The following DNAH14 variants were observed in gnomAD, a reference collection of about 807,000 sequenced individuals.
The protein encoded by DNAH14 is dynein axonemal heavy chain 14, also known as axonemal beta dynein heavy chain 14.
Under a neutral mutation model 520.9 loss-of-function variants are expected in DNAH14, and 478 were observed. That is an observed-to-expected ratio of 0.92 (90% CI 0.85 to 0.99). The LOEUF (loss-of-function observed/expected upper bound fraction) is 0.99, where lower values mean the gene tolerates loss of function less well. Among genes scored for constraint, DNAH14 ranks in the 50% least tolerant of loss-of-function variants. The pLI, the probability that DNAH14 is intolerant of heterozygous loss-of-function variation, is 0.00. For missense variants in DNAH14, 4,831 were observed against 5,234.5 expected, an observed-to-expected ratio of 0.92 and a Z score of 2.38; for synonymous variants, 1,581 against 1,757.2, an observed-to-expected ratio of 0.90 and a Z score of 2.51.
Position 225,236,979 on chromosome 1 carries a change from A to T in DNAH14, c.6519-3614A>T, listed in dbSNP as rs545503034. 7.9e-5 allele frequency among the ~76,000 whole-genome samples: 12 copies of T among 152,186 alleles called. No homozygotes were observed. In the South Asian group the frequency reaches 2.5e-3, roughly 32 times the overall value. On this transcript the variant is annotated intron_variant, in intron 42 of 85. Transcript: ENST00000682510. Reference sequence around the variant, plus strand: ...TCTTTTTTTATCTTTGTTGGTTTAAAATCTGTTTTGTCAGAAACTAGGATT... The same window carrying T: ...TCTTTTTTTATCTTTGTTGGTTTAATATCTGTTTTGTCAGAAACTAGGATT...
intron 46 of DNAH14, among the ~76,000 whole-genome samples, chr1:225,261,613 T>C (rs761335923): frequency 6.6e-6 from 1 of 152,170 alleles, no homozygotes; most frequent in Non-Finnish European, 1.5e-5. Flanking sequence ...GTTCTTGTAA[T>C]GTTCTTTTCT....
chr1:225,083,063 A>G (rs2073328658), intron 20 of DNAH14, among the ~76,000 whole-genome samples: 1 of 152,158 alleles, frequency 6.6e-6, no homozygotes, highest in Admixed American at 6.6e-5. Flanking sequence ...TATCAAAACT[A>G]TTGTATTCAT....
chr1:225,389,998 G>A (rs938458174), intron 83 of DNAH14, 125 bp downstream of exon 83: 2 of 820,534 alleles, frequency 2.4e-6, no homozygotes, highest in South Asian at 1.8e-5. Flanking sequence ...CAGGTGCCTG[G>A]GTCTCTAGTG....
intron 34 of DNAH14, among the ~76,000 whole-genome samples, chr1:225,158,146 C>CT (rs913301737): frequency 4.6e-5 from 7 of 151,810 alleles, no homozygotes; most frequent in African/African-American, 1.5e-4. Context: ...TGTGTAGTTA[C>CT]TTTTTTTTCT....
At chr1:224,940,317 G>T (rs1014800410) in intron 1 of DNAH14, among the ~76,000 whole-genome samples, 3 of 152,112 alleles carry the variant, frequency 2.0e-5, no homozygotes, top group African/African-American at 7.2e-5. Context: ...GGTCAAAGGA[G>T]TTCACTAAGA....
At chr1:225,375,489 C>T (rs866128126) in intron 78 of DNAH14, among the ~76,000 whole-genome samples, 63 of 152,122 alleles carry the variant, frequency 4.1e-4, no homozygotes, top group African/African-American at 1.4e-3. Flanking sequence ...AAAAGGAAGA[C>T]GACAGCTGTG....
intron 55 of DNAH14, among the ~76,000 whole-genome samples, chr1:225,300,507 C>T (rs564933733): frequency 6.6e-6 from 1 of 152,222 alleles, no homozygotes; most frequent in East Asian, 1.9e-4. Context: ...TGGACCAGCC[C>T]AGACAACATA....
intron 44 of DNAH14, among the ~76,000 whole-genome samples, chr1:225,253,246 G>T (rs116893881): frequency 0.014 from 2,178 of 152,208 alleles, 45 homozygotes; most frequent in East Asian, 0.05. Flanking sequence ...TGTTAGTGCT[G>T]ATATTGACTG....
At chr1:225,132,203 T>C (rs2078490409) in intron 27 of DNAH14, among the ~76,000 whole-genome samples, 1 of 152,074 alleles carries the variant, frequency 6.6e-6, no homozygotes, top group African/African-American at 2.4e-5. Context: ...GTTTTTTTTT[T>C]CATCAACTTT....
intron 66 of DNAH14, among the ~76,000 whole-genome samples, chr1:225,336,022 TATATGTATATACACAC>T (rs1373233024): frequency 2.4e-4 from 30 of 125,702 alleles, no homozygotes; most frequent in Non-Finnish European, 3.6e-4. Context: ...CATATATGCA[TATATGTATATACACAC>T]ATATATGCAT....
chr1:225,300,763 A>T, intron 55 of DNAH14, 106 bp from the exon 56 acceptor site: 1 of 1,187,854 alleles, frequency 8.4e-7, no homozygotes, highest in Admixed American at 2.9e-5. Flanking sequence ...ACTTAGCCTC[A>T]GTTCTCCTTA....
intron 42 of DNAH14, 64 bp from the exon 43 acceptor site, chr1:225,240,529 T>C: frequency 1.0e-6 from 1 of 987,064 alleles, no homozygotes; most frequent in Non-Finnish European, 1.5e-6. Context: ...TTAAAGTAAA[T>C]TTCTATTCTT....
At chr1:225,307,024 AT>A (rs2094259874) in intron 58 of DNAH14, among the ~76,000 whole-genome samples, 1 of 152,144 alleles carries the variant, frequency 6.6e-6, no homozygotes, top group South Asian at 2.1e-4. Flanking sequence ...ATAATTAAAT[AT>A]TCTGTTTAAA....
At position 225,080,735 on chromosome 1, in the gene DNAH14, G is replaced by T; in HGVS notation, c.3123G>T (p.Ser1041=). 1.3e-6 allele frequency: 2 copies of T among 1,514,168 alleles called. No individual in the cohort carries two copies. The highest frequency in any genetic ancestry group is 1.8e-6 in the Non-Finnish European group (2 of 1,130,354). The allele number at this position is 1,514,168 out of a possible 1,614,324, so 93.8% of individuals were successfully genotyped here. The part of the protein sequence containing the change: ...RNVSKLMHII[S]VLEKGLPKSD... ...TTTCAAAACTGATGCACATAATCTCGGTACTAGAAAAAGGTAAAAATGTGT... is the reference window on the plus strand; with the variant it reads ...TTTCAAAACTGATGCACATAATCTCTGTACTAGAAAAAGGTAAAAATGTGT... The change falls in exon 19 of 86, where the codon TCG becomes TCT. Residue 1041 remains serine, a synonymous_variant. Coordinates refer to ENST00000682510, the MANE Select transcript of DNAH14 (RefSeq NM_001367479.1).
intron 5 of DNAH14, among the ~76,000 whole-genome samples, chr1:224,966,620 C>T (rs1157240305): frequency 1.3e-5 from 2 of 152,142 alleles, no homozygotes; most frequent in African/African-American, 4.8e-5. Context: ...GACTTGGATT[C>T]ACATCCCTAC....
At chr1:225,227,164 C>T (rs1430804614) in intron 41 of DNAH14, among the ~76,000 whole-genome samples, 1 of 151,950 alleles carries the variant, frequency 6.6e-6, no homozygotes, top group Non-Finnish European at 1.5e-5. Context: ...TCAGCACAGA[C>T]CCTTTACGGG....
intron 23 of DNAH14, among the ~76,000 whole-genome samples, chr1:225,104,100 C>G (rs890076863): frequency 2.6e-5 from 4 of 151,972 alleles, no homozygotes; most frequent in South Asian, 2.1e-4. Context: ...TTGCATGAAG[C>G]GTTGTTGAAT....
intron 32 of DNAH14, 106 bp from the exon 33 acceptor site, chr1:225,152,591 G>A: frequency 9.7e-7 from 1 of 1,034,540 alleles, no homozygotes; most frequent in Non-Finnish European, 1.4e-6. Context: ...TCAGATAAAG[G>A]TCACACAGAA....
intron 38 of DNAH14, among the ~76,000 whole-genome samples, chr1:225,193,945 A>G (rs1181080188): frequency 6.6e-6 from 1 of 152,132 alleles, no homozygotes; most frequent in African/African-American, 2.4e-5. Context: ...AATCTCATTC[A>G]CCGTAGCCAC....
Sources: gnomAD v4.1 joint callset for allele counts (sites outside exome capture counted in the v4.1 genomes callset) on GRCh38, gnomAD v4.1.1 for gene constraint, MANE v1.5 for transcripts, NCBI Gene and HGNC (gene_info 2026-07-23, HGNC 2026-07-21) for gene names.